Variants in SLC2A13 observed in about 807,000 individuals in gnomAD.
The protein encoded by SLC2A13 is solute carrier family 2 member 13.
SLC2A13 carries 32 observed loss-of-function variants against 64.4 expected under a neutral mutation model. That is an observed-to-expected ratio of 0.50 (90% confidence interval 0.37 to 0.67). SLC2A13 has a LOEUF of 0.67. Among genes scored for constraint, SLC2A13 ranks in the 30% least tolerant of loss-of-function variants. SLC2A13 has a pLI of 0.00. For synonymous variants in SLC2A13, 338 were observed against 327.1 expected, an observed-to-expected ratio of 1.03 and a Z score of -0.36; for missense variants, 743 against 829.2, an observed-to-expected ratio of 0.90 and a Z score of 1.28.
intron 1 of SLC2A13, among the ~76,000 whole-genome samples, chr12:40,067,694 T>C (rs1937788644): frequency 6.6e-6 from 1 of 152,174 alleles, no homozygotes; most frequent in African/African-American, 2.4e-5. Context: ...ACATCTATTC[T>C]GGACTGCAGA....
At chr12:39,977,295 T>C (rs1234869525) in intron 3 of SLC2A13, among the ~76,000 whole-genome samples, 2 of 152,256 alleles carry the variant, frequency 1.3e-5, no homozygotes, top group Admixed American at 6.5e-5. Context: ...TCAATGTTTA[T>C]CTAACCCCAA....
chr12:39,764,654 A>G (rs1324853150), intron 8 of SLC2A13, 42 bp from the exon 9 acceptor site: 1 of 1,582,552 alleles, frequency 6.3e-7, no homozygotes, highest in South Asian at 1.2e-5. Context: ...AATAGCATGT[A>G]AGAAATTTGA....
At chr12:39,807,373 T>G (rs1421915797) in intron 7 of SLC2A13, among the ~76,000 whole-genome samples, 1 of 152,180 alleles carries the variant, frequency 6.6e-6, no homozygotes, top group Non-Finnish European at 1.5e-5. Flanking sequence ...ACACAATCAG[T>G]GGATTGAAAC....
chr12:40,087,687 A>T (rs1420345395), intron 1 of SLC2A13, among the ~76,000 whole-genome samples: 1 of 152,212 alleles, frequency 6.6e-6, no homozygotes. Context: ...ACCTCATAAG[A>T]GACCAGAGTA....
At chr12:40,042,401 G>C (rs562512068) in intron 2 of SLC2A13, among the ~76,000 whole-genome samples, 71 of 152,104 alleles carry the variant, frequency 4.7e-4, no homozygotes, top group Admixed American at 1.4e-3. Context: ...CATTACCAAA[G>C]AGAAAATAAT....
intron 4 of SLC2A13, among the ~76,000 whole-genome samples, chr12:39,920,710 A>ATT (rs1346589778): frequency 2.0e-5 from 3 of 152,054 alleles, no homozygotes; most frequent in African/African-American, 7.3e-5. Flanking sequence ...CAGCTTCTGT[A>ATT]TCTATAAAAC....
intron 3 of SLC2A13, among the ~76,000 whole-genome samples, chr12:39,965,061 C>T (rs1946483821): frequency 6.6e-6 from 1 of 152,102 alleles, no homozygotes; most frequent in Non-Finnish European, 1.5e-5. Context: ...ATACAAATGA[C>T]AAGATATAAT....
At chr12:40,053,053 C>G (rs147578495) in intron 1 of SLC2A13, among the ~76,000 whole-genome samples, 1,731 of 152,048 alleles carry the variant, frequency 0.011, 33 homozygotes, top group African/African-American at 0.036. Flanking sequence ...GAGGCAGAGG[C>G]AGGTGGATCA....
intron 4 of SLC2A13, among the ~76,000 whole-genome samples, chr12:39,899,185 G>C (rs1288239962): frequency 2.6e-5 from 4 of 152,052 alleles, no homozygotes; most frequent in East Asian, 1.9e-4. Context: ...TTCAGAGATT[G>C]AACTTCTTCC....
intron 7 of SLC2A13, among the ~76,000 whole-genome samples, chr12:39,774,304 A>C (rs183597666): frequency 6.6e-6 from 1 of 152,312 alleles, no homozygotes; most frequent in Admixed American, 6.5e-5. Context: ...AGTTATAAGA[A>C]ATTCTAACTT....
At chr12:39,947,085 C>T (rs141104342) in intron 4 of SLC2A13, among the ~76,000 whole-genome samples, 65 of 152,282 alleles carry the variant, frequency 4.3e-4, no homozygotes, top group African/African-American at 1.5e-3. Context: ...TGACTCAGCT[C>T]TCTAACTTGA....
intron 1 of SLC2A13, among the ~76,000 whole-genome samples, chr12:40,093,756 G>A (rs925621076): frequency 2.6e-5 from 4 of 152,022 alleles, no homozygotes; most frequent in African/African-American, 4.8e-5. Flanking sequence ...TCCTAGAGGC[G>A]GGGTCAGCTG....
At chr12:39,985,847 G>C (rs1245328995) in intron 3 of SLC2A13, among the ~76,000 whole-genome samples, 2 of 152,016 alleles carry the variant, frequency 1.3e-5, no homozygotes, top group South Asian at 2.1e-4. Flanking sequence ...CCTTCAATAA[G>C]TCATGATACG....
intron 3 of SLC2A13, among the ~76,000 whole-genome samples, chr12:40,005,143 A>C (rs540858748): frequency 6.6e-6 from 1 of 152,200 alleles, no homozygotes; most frequent in African/African-American, 2.4e-5. Flanking sequence ...AGCAAGAGAA[A>C]TTAGGGGTGA....
intron 3 of SLC2A13, among the ~76,000 whole-genome samples, chr12:39,994,534 C>G (rs889301730): frequency 6.6e-6 from 1 of 151,776 alleles, no homozygotes; most frequent in Non-Finnish European, 1.5e-5. Flanking sequence ...ACCAGAAAGG[C>G]AAAGAACTCG....
At chr12:40,093,120 G>A (rs762150322) in intron 1 of SLC2A13, among the ~76,000 whole-genome samples, 2 of 152,210 alleles carry the variant, frequency 1.3e-5, no homozygotes, top group Non-Finnish European at 2.9e-5. Flanking sequence ...AGGTTCCCTA[G>A]ATACATGGAG....
chr12:39,924,289 A>G (rs920702036), intron 4 of SLC2A13, among the ~76,000 whole-genome samples: 1 of 152,142 alleles, frequency 6.6e-6, no homozygotes, highest in African/African-American at 2.4e-5. Flanking sequence ...GTCTTTTTTT[A>G]ATGTCAGGAA....
intron 4 of SLC2A13, among the ~76,000 whole-genome samples, chr12:39,903,451 C>G (rs897441275): frequency 6.6e-6 from 1 of 152,084 alleles, no homozygotes; most frequent in African/African-American, 2.4e-5. Flanking sequence ...TCTGGCCCCC[C>G]AGTATCTCTT....
chr12:40,019,570 A>C (rs1183595040), intron 3 of SLC2A13, among the ~76,000 whole-genome samples: 4 of 152,126 alleles, frequency 2.6e-5, no homozygotes, highest in Admixed American at 1.3e-4. Flanking sequence ...TTGTTTTAAG[A>C]ATGAGAGTGA....
Sources: allele counts gnomAD v4.1 joint callset (sites outside exome capture counted in the v4.1 genomes callset), GRCh38; gene constraint gnomAD v4.1.1; transcripts MANE v1.5; gene names NCBI Gene and HGNC (gene_info 2026-07-23, HGNC 2026-07-21).